The following WDR17 variants were observed in gnomAD, a reference collection of about 807,000 sequenced individuals.
WDR17 encodes the protein WD repeat domain 17, also known as WD repeat-containing protein 17.
In WDR17, 143 loss-of-function variants were observed where a neutral mutation model predicts 161.7. That is an observed-to-expected ratio of 0.88 (90% CI 0.77 to 1.02). WDR17 has a LOEUF of 1.02. Among genes scored for constraint, WDR17 ranks in the 50% least tolerant of loss-of-function variants. The pLI is 0.00. For synonymous variants in WDR17, 517 were observed against 515.6 expected (o/e 1.00, Z -0.04); for missense variants, 1,469 against 1,520.9 (o/e 0.97, Z 0.57).
At chr4:176,074,591 C>T (rs936298407) in intron 1 of WDR17, among the ~76,000 whole-genome samples, 2 of 151,576 alleles carry the variant, frequency 1.3e-5, no homozygotes, top group African/African-American at 4.8e-5. Context: ...TGAGTAGCTG[C>T]GACTAGAGGT....
intron 26 of WDR17, among the ~76,000 whole-genome samples, chr4:176,175,644 G>A (rs761294896): frequency 1.7e-4 from 25 of 151,468 alleles, no homozygotes; most frequent in South Asian, 6.3e-4. Flanking sequence ...TGCAACCTCC[G>A]CCTCCCAAGT....
chr4:176,116,603 CAATT>C (rs1740685554), intron 3 of WDR17, among the ~76,000 whole-genome samples: 1 of 151,726 alleles, frequency 6.6e-6, no homozygotes, highest in Admixed American at 6.6e-5. Flanking sequence ...ATATTTAGCT[CAATT>C]GATTATGGTT....
intron 1 of WDR17, among the ~76,000 whole-genome samples, chr4:176,071,273 A>G: frequency 6.6e-6 from 1 of 151,940 alleles, no homozygotes; most frequent in Non-Finnish European, 1.5e-5. Flanking sequence ...TTTACTTCAA[A>G]AATTCTTAGT....
intron 1 of WDR17, among the ~76,000 whole-genome samples, chr4:176,077,284 C>A (rs1190412323): frequency 6.6e-6 from 1 of 151,324 alleles, no homozygotes; most frequent in East Asian, 2.0e-4. Context: ...GACAGTACTA[C>A]AGCTCCCAGG....
At chr4:176,149,459 G>A (rs1183323886) in intron 13 of WDR17, among the ~76,000 whole-genome samples, 1 of 151,798 alleles carries the variant, frequency 6.6e-6, no homozygotes, top group East Asian at 1.9e-4. Flanking sequence ...TGGTAGAGAT[G>A]GTATTTCATC....
intron 20 of WDR17, 114 bp from the exon 21 acceptor site, chr4:176,161,961 G>T: frequency 1.2e-6 from 1 of 867,302 alleles, no homozygotes; most frequent in Non-Finnish European, 1.7e-6. Context: ...TTTAAAGCAA[G>T]CATGTCAAAT....
chr4:176,130,739 C>T (rs546833454), intron 6 of WDR17, among the ~76,000 whole-genome samples: 12 of 141,204 alleles, frequency 8.5e-5, no homozygotes, highest in South Asian at 2.2e-4. Flanking sequence ...AGCGAGACTC[C>T]GTCTCAAAAA....
At chr4:176,089,614 C>T (rs1021677117) in intron 1 of WDR17, among the ~76,000 whole-genome samples, 2 of 151,410 alleles carry the variant, frequency 1.3e-5, no homozygotes, top group Admixed American at 1.3e-4. Context: ...GTGCTGAGTG[C>T]TGTATATATG....
chr4:176,084,771 A>G (rs967079541), intron 1 of WDR17, among the ~76,000 whole-genome samples: 1 of 146,520 alleles, frequency 6.8e-6, no homozygotes, highest in African/African-American at 2.5e-5. Flanking sequence ...TATATTATAT[A>G]TTATATATAT....
At position 176,120,117 on chromosome 4, in the gene WDR17, G is replaced by A. The variant is rs780690359; in HGVS notation, c.538+20G>A. 2 of 1,578,260 alleles carry A rather than the reference G, an allele frequency of 1.3e-6. No homozygotes were observed. The highest frequency in any genetic ancestry group is 1.7e-6 in the Non-Finnish European group (2 of 1,149,348). On this transcript the variant is annotated intron_variant, in intron 4 of 28. Coordinates refer to ENST00000508596, the MANE Select transcript of WDR17 (RefSeq NM_181265.4). The stretch of plus-strand genomic sequence containing the variant: ...ATCCAGGTAAGAATTTAATTAGCAA[G>A]GTATCTTAAATAGTATATTTTTCTT...
At position 176,151,957 on chromosome 4, in the gene WDR17, A is replaced by G. The variant is rs1747200481; in HGVS notation, c.2450A>G (p.Glu817Gly). ...CAGAGATACTGTGAACTTATGGTTG[A>G]ACTTGGAGAGGTAATGTGCTATGAA... ...QIQRYCELMV[E>G]LGEWDKALSI... The change falls in exon 17 of 29, where the codon GAA becomes GGA. Residue 817 changes from glutamate (E) to glycine (G), a missense_variant. Glu to Gly is a moderately conservative substitution (Grantham distance 98). Coordinates refer to ENST00000508596, the MANE Select transcript of WDR17 (RefSeq NM_181265.4). 6.2e-7 allele frequency: 1 copy of G among 1,612,278 alleles called. No individual in the cohort carries two copies. The highest frequency in any genetic ancestry group is 2.2e-5 in the East Asian group (1 of 44,764).
chr4:176,138,125 T>C (rs1744698695), intron 9 of WDR17, among the ~76,000 whole-genome samples: 2 of 151,702 alleles, frequency 1.3e-5, no homozygotes, highest in African/African-American at 4.8e-5. Flanking sequence ...CTTGGAGTTA[T>C]ATTGTCATCC....
rs780909557 is a variant in WDR17, at chr4:176,150,573, C to T, written c.2284C>T (p.His762Tyr). 1.2e-6 allele frequency: 2 copies of T among 1,604,988 alleles called. No homozygotes were observed. The highest frequency in any genetic ancestry group is 2.3e-5 in the South Asian group (2 of 88,176). ...CTGCAAAGGAATAATGCACTTGAAA[C>T]ATCTGATTAAATTTAGAACAGTGAG... is the stretch of plus-strand genomic sequence containing the variant. ...NYCKGIMHLK[H>Y]LIKFRTSEAQ... The change falls in exon 16 of 29, where the codon CAT (histidine) becomes TAT (tyrosine). Residue 762 changes from histidine to tyrosine, a missense_variant. His to Tyr is a moderately conservative substitution (Grantham distance 83, BLOSUM62 2). Coordinates refer to ENST00000508596, the MANE Select transcript of WDR17 (RefSeq NM_181265.4).
intron 26 of WDR17, among the ~76,000 whole-genome samples, chr4:176,176,115 G>A (rs1047260503): frequency 6.6e-6 from 1 of 152,114 alleles, no homozygotes; most frequent in Non-Finnish European, 1.5e-5. Context: ...TCACATAGAT[G>A]TAAAATAATG....
intron 3 of WDR17, among the ~76,000 whole-genome samples, chr4:176,119,368 CTGA>C (rs1272184576): frequency 1.3e-5 from 2 of 151,980 alleles, no homozygotes; most frequent in African/African-American, 4.8e-5. Context: ...ATCTAAATTC[CTGA>C]TAAGACATAG....
At chr4:176,091,874 A>C (rs116775570) in intron 1 of WDR17, among the ~76,000 whole-genome samples, 1,776 of 152,270 alleles carry the variant, frequency 0.012, 19 homozygotes, top group Non-Finnish European at 0.019. Context: ...CTAAAAGGAC[A>C]CGCAACCTAC....
At chr4:176,070,354 T>A (rs1733060175) in intron 1 of WDR17, among the ~76,000 whole-genome samples, 1 of 152,186 alleles carries the variant, frequency 6.6e-6, no homozygotes, top group South Asian at 2.1e-4. Context: ...ATTACCAACC[T>A]ATCAGATCTG....
At chr4:176,080,891 T>C (rs1734661132) in intron 1 of WDR17, among the ~76,000 whole-genome samples, 1 of 152,172 alleles carries the variant, frequency 6.6e-6, no homozygotes, top group Non-Finnish European at 1.5e-5. Flanking sequence ...TCCAGACCTC[T>C]GTATTTTAAT....
At chr4:176,080,561 C>T (rs937625824) in intron 1 of WDR17, among the ~76,000 whole-genome samples, 1 of 152,088 alleles carries the variant, frequency 6.6e-6, no homozygotes, top group South Asian at 2.1e-4. Context: ...TGTGATCCAA[C>T]GTGGCAGCTA....
Sources: allele counts gnomAD v4.1 joint callset (sites outside exome capture counted in the v4.1 genomes callset), GRCh38; gene constraint gnomAD v4.1.1; transcripts MANE v1.5; gene names NCBI Gene and HGNC (gene_info 2026-07-23, HGNC 2026-07-21).